The following JMJD8 variants were observed in gnomAD, a reference collection of about 807,000 sequenced individuals.
JMJD8 encodes the protein jumonji domain containing 8, also known as jmjC domain-containing protein 8.
In JMJD8, 56 loss-of-function variants were observed where a neutral mutation model predicts 37.6. The observed-to-expected ratio is 1.49, with a 90% CI of 1.20 to 1.86. JMJD8 has a LOEUF of 1.86. Among genes scored for constraint, JMJD8 ranks in the 40% most tolerant of loss-of-function variants. The pLI, the probability that JMJD8 is intolerant of heterozygous loss-of-function variation, is 0.00. For synonymous variants in JMJD8, 261 were observed against 163.7 expected, an observed-to-expected ratio of 1.59 and a Z score of -4.54; for missense variants, 542 against 362.7, an observed-to-expected ratio of 1.49 and a Z score of -4.01.
In JMJD8 at chr16:683,734, C is replaced by G. The variant is rs780971613; in HGVS notation, c.273G>C (p.Gly91=). 1 of 1,610,018 alleles carries G rather than the reference C, an allele frequency of 6.2e-7. No homozygotes were observed. Among genetic ancestry groups the G allele is most frequent in the South Asian group, 1.1e-5 (1 of 90,532 alleles). ...CSRDRLLASF[G]DRVVRLSTAN... is the part of the protein sequence containing the mutation. The stretch of plus-strand genomic sequence containing the variant: ...CGGTGCTCAGCCGGACCACTCTGTC[C>G]CCAAACGAAGCCAGCAACCTGTCGC... Residue 91 remains glycine (G), a synonymous_variant, in exon 4 of 9, where the codon GGG becomes GGC. Transcript: ENST00000609261.
At position 681,772 on chromosome 16, in the gene JMJD8, C is replaced by T. The variant is rs745332729; in HGVS notation, c.*1022G>A. The T allele has an allele frequency of 1.2e-4, 191 of 1,579,648 alleles. 1 individual carries two copies. The South Asian group carries it at 1.9e-3, about 15-fold the overall frequency. On this transcript the variant is annotated 3_prime_UTR_variant, in exon 9 of 9. Transcript: ENST00000609261. ...ACATCTGGCCAGGTCCATCTCTGAC[C>T]GGCTCCTGGTCAACCCCCAGGGAGC...
Position 682,783 on chromosome 16 carries a change from A to T in JMJD8, c.*11T>A, listed in dbSNP as rs940734845. The stretch of plus-strand genomic sequence containing the variant: ...CTGGTGTGTGACCGGCAGTCCTGCC[A>T]GCTGTTTTGGCTAGCCGAGGAAGGT... On this transcript the variant is annotated 3_prime_UTR_variant, in exon 9 of 9. Coordinates refer to ENST00000609261, the MANE Select transcript of JMJD8 (RefSeq NM_001005920.4). The T allele has an allele frequency of 1.2e-6, 2 of 1,612,702 alleles. No individual in the cohort carries two copies. The highest frequency in any genetic ancestry group is 2.7e-5 in the African/African-American group (2 of 74,938).
At chr16:683,260 C>G (rs774532158) in intron 6 of JMJD8, 26 bp from the exon 7 acceptor site, 3 of 1,613,072 alleles carry the variant, frequency 1.9e-6, no homozygotes, top group Non-Finnish European at 1.7e-6. Flanking sequence ...CACCTGGTGA[C>G]CAACCCATTT....
In JMJD8 at chr16:682,180, G is replaced by T; in HGVS notation, c.*614C>A. On this transcript the variant is annotated 3_prime_UTR_variant, in exon 9 of 9. Coordinates refer to ENST00000609261, the MANE Select transcript of JMJD8 (RefSeq NM_001005920.4). Reference sequence around the variant, plus strand: ...TGTGCCACAGAAGCGAGACATCCCCGACTACCTGTGTGGCAAGATCAGCTT... The same window carrying T: ...TGTGCCACAGAAGCGAGACATCCCCTACTACCTGTGTGGCAAGATCAGCTT... The T allele has an allele frequency of 6.2e-7, 1 of 1,608,470 alleles. No individual in the cohort carries two copies. Among genetic ancestry groups the T allele is most frequent in the South Asian group, 1.1e-5 (1 of 90,990 alleles).
rs778061861 is a variant in JMJD8 at position 683,371 on chromosome 16, G to A, written c.462C>T (p.Pro154=). The A allele has an allele frequency of 3.8e-6, 6 of 1,559,456 alleles. No individual in the cohort carries two copies. In the South Asian group the frequency reaches 5.9e-5, roughly 15 times the overall value. Residue 154 remains proline, a synonymous_variant, in exon 6 of 9, where the codon CCC becomes CCT. Coordinates refer to ENST00000609261, the MANE Select transcript of JMJD8 (RefSeq NM_001005920.4). ...WASLFRHYSP[P]PFGLLGTAPA... ...GAGCGGTTCCCAGCAGGCCAAATGG[G>A]GGTGGGGAGTAGTGCCGAAAGAGAG...
chr16:683,512 C>G lies in JMJD8; in HGVS notation c.391+18G>C. The G allele has an allele frequency of 6.5e-7, 1 of 1,546,114 alleles. No homozygotes were observed. Among genetic ancestry groups the G allele is most frequent in the South Asian group, 1.2e-5 (1 of 83,586 alleles). On this transcript the variant is annotated intron_variant, in intron 5 of 8. Coordinates refer to ENST00000609261, the MANE Select transcript of JMJD8 (RefSeq NM_001005920.4). ...TCCAAGCGTCCCCACCCCCTACCGC[C>G]GCCTAGGGCTGCCTCACCATTGCCC...
chr16:681,734 G>T lies in JMJD8; in HGVS notation c.*1060C>A. ...AAGTGTGGATGTTAGCTCTGAGATTGGGGTGTGGTCAGACATCTGGCCAGG... is the reference window on the plus strand; with the variant it reads ...AAGTGTGGATGTTAGCTCTGAGATTTGGGTGTGGTCAGACATCTGGCCAGG... On this transcript the variant is annotated 3_prime_UTR_variant, in exon 9 of 9. Coordinates refer to ENST00000609261, the MANE Select transcript of JMJD8 (RefSeq NM_001005920.4). The T allele has an allele frequency of 1.3e-6, 2 of 1,553,166 alleles. No individual in the cohort carries two copies. Among genetic ancestry groups the T allele is most frequent in the Non-Finnish European group, 1.7e-6 (2 of 1,143,340 alleles).
Position 683,406 on chromosome 16 carries a change from C to T in JMJD8, c.427G>A (p.Glu143Lys), listed in dbSNP as rs566921908. The change falls in exon 6 of 9, where the codon GAG (glutamate) becomes AAG (lysine). Residue 143 changes from glutamate to lysine, a missense_variant. Physicochemically the swap from Glu to Lys is moderately conservative, Grantham distance 56. Coordinates refer to ENST00000609261, the MANE Select transcript of JMJD8 (RefSeq NM_001005920.4). ...LYFFGDNNFT[E>K]WASLFRHYSP... ...TAGTGCCGAAAGAGAGAGGCCCACTCGGTGAAGTTGTTGTCCCCGAAGAAG... is the reference window on the plus strand; with the variant it reads ...TAGTGCCGAAAGAGAGAGGCCCACTTGGTGAAGTTGTTGTCCCCGAAGAAG... 11 of 1,553,152 alleles carry T rather than the reference C, an allele frequency of 7.1e-6. No homozygotes were observed. Among genetic ancestry groups the T allele is most frequent in the African/African-American group, 2.7e-5 (2 of 73,104 alleles).
Position 681,700 on chromosome 16 carries a change from A to T in JMJD8, c.*1094T>A. The T allele has an allele frequency of 6.4e-7, 1 of 1,554,608 alleles. No homozygotes were observed. The highest frequency in any genetic ancestry group is 8.7e-7 in the Non-Finnish European group (1 of 1,145,132). Reference sequence around the variant, plus strand: ...TCGAAGGCTTTACTGGCAAGCAGGAAATGTGGGGAAGTGTGGATGTTAGCT... The same window carrying T: ...TCGAAGGCTTTACTGGCAAGCAGGATATGTGGGGAAGTGTGGATGTTAGCT... On this transcript the variant is annotated 3_prime_UTR_variant, in exon 9 of 9. Transcript: ENST00000609261.
In JMJD8 at chr16:683,231, G is replaced by C. The variant is rs776756250; in HGVS notation, c.515C>G (p.Ala172Gly). Reference sequence around the variant, plus strand: ...CCAGTGGAAGGGCACCCCCGAGCCAGCTCCTGTGGGGTTATGAGCACCTGG... The same window carrying C: ...CCAGTGGAAGGGCACCCCCGAGCCACCTCCTGTGGGGTTATGAGCACCTGG... ...APAYSFGIAG[A>G]GSGVPFHWHG... Residue 172 changes from alanine to glycine, a missense_variant, in exon 7 of 9, where the codon GCT (alanine) becomes GGT (glycine). By Grantham distance (60) the Ala-to-Gly change is moderately conservative. Transcript: ENST00000609261. 9.9e-6 allele frequency: 16 copies of C among 1,613,140 alleles called. 1 individual carries two copies. In the East Asian group the frequency reaches 3.6e-4, roughly 36 times the overall value.
chr16:684,019 C>G, intron 2 of JMJD8, 47 bp downstream of exon 2: 1 of 1,566,208 alleles, frequency 6.4e-7, no homozygotes, highest in South Asian at 1.2e-5. Flanking sequence ...TCGGGGCAGA[C>G]GGGCCGGTGA....
chr16:683,520 G>T lies in JMJD8; in HGVS notation c.391+10C>A. The T allele has an allele frequency of 6.5e-7, 1 of 1,550,326 alleles. No individual in the cohort carries two copies. Among genetic ancestry groups the T allele is most frequent in the Non-Finnish European group, 8.7e-7 (1 of 1,146,662 alleles). On this transcript the variant is annotated intron_variant, in intron 5 of 8. Transcript: ENST00000609261. Reference sequence around the variant, plus strand: ...TCCCCACCCCCTACCGCCGCCTAGGGCTGCCTCACCATTGCCCAGGGAGGT... The same window carrying T: ...TCCCCACCCCCTACCGCCGCCTAGGTCTGCCTCACCATTGCCCAGGGAGGT...
In JMJD8 at chr16:682,266, C is replaced by T. The variant is rs547031103; in HGVS notation, c.*528G>A. 104 of 1,602,634 alleles carry T rather than the reference C, an allele frequency of 6.5e-5. 1 individual carries two copies. In the East Asian group the frequency reaches 1.1e-3, roughly 17 times the overall value. On this transcript the variant is annotated 3_prime_UTR_variant, in exon 9 of 9. Transcript: ENST00000609261. ...GCATCACCTACGACCGCAAGGACATCGAGGAGCACCTGCAGGTGAGGCCTG... is the reference window on the plus strand; with the variant it reads ...GCATCACCTACGACCGCAAGGACATTGAGGAGCACCTGCAGGTGAGGCCTG...
intron 2 of JMJD8, 68 bp downstream of exon 2, chr16:683,998 G>A (rs1333989636): frequency 7.7e-6 from 12 of 1,557,804 alleles, no homozygotes; most frequent in Non-Finnish European, 9.5e-6. Context: ...GGGGAAGGCG[G>A]CCTTGGGCGG....
At chr16:683,119 C>T (rs1189580529) in intron 7 of JMJD8, 32 bp from the exon 8 acceptor site, 3 of 1,613,498 alleles carry the variant, frequency 1.9e-6, no homozygotes, top group Non-Finnish European at 2.5e-6. Context: ...TCACCCTTGC[C>T]CGTTTTGGTC....
Position 681,758 on chromosome 16 carries a change from G to C in JMJD8, c.*1036C>G, listed in dbSNP as rs746632213. On this transcript the variant is annotated 3_prime_UTR_variant, in exon 9 of 9. Coordinates refer to ENST00000609261, the MANE Select transcript of JMJD8 (RefSeq NM_001005920.4). ...TGGGGTGTGGTCAGACATCTGGCCA[G>C]GTCCATCTCTGACCGGCTCCTGGTC... 1 of 1,570,572 alleles carries C rather than the reference G, an allele frequency of 6.4e-7. No homozygotes were observed. Among genetic ancestry groups the C allele is most frequent in the African/African-American group, 1.3e-5 (1 of 74,254 alleles).
rs758286891 is a variant in JMJD8 at position 683,609 on chromosome 16, G to A, written c.323-11C>T. 3.2e-6 allele frequency: 5 copies of A among 1,577,332 alleles called. No individual in the cohort carries two copies. Among genetic ancestry groups the A allele is most frequent in the African/African-American group, 1.3e-5 (1 of 74,150 alleles). On this transcript the variant is annotated splice_polypyrimidine_tract_variant and intron_variant, in intron 4 of 8. Transcript: ENST00000609261. ...GGAAGGGCAAGTCCACTGCAGGAAA[G>A]AGACGGGTCAGGACCGTCTGGTCCA...
In JMJD8 at chr16:681,985, T is replaced by TG; in HGVS notation, c.*808dup. 1 of 1,611,850 alleles carries TG rather than the reference T, an allele frequency of 6.2e-7. No individual in the cohort carries two copies. The highest frequency in any genetic ancestry group is 8.5e-7 in the Non-Finnish European group (1 of 1,178,792). On this transcript the variant is annotated 3_prime_UTR_variant, in exon 9 of 9. Coordinates refer to ENST00000609261, the MANE Select transcript of JMJD8 (RefSeq NM_001005920.4). Reference sequence around the variant, plus strand: ...TGCCCCATGGAGGAGGGAGGTGGGGTGTCTCCCCCAAGCACAGCACTCAAC... The same window carrying TG: ...TGCCCCATGGAGGAGGGAGGTGGGGTGGTCTCCCCCAAGCACAGCACTCAAC...
In JMJD8 at chr16:682,221, G is replaced by A. The variant is rs763270493; in HGVS notation, c.*573C>T. 12 of 1,612,952 alleles carry A rather than the reference G, an allele frequency of 7.4e-6. No individual in the cohort carries two copies. The Admixed American group carries it at 1.0e-4, about 13-fold the overall frequency. On this transcript the variant is annotated 3_prime_UTR_variant, in exon 9 of 9. Coordinates refer to ENST00000609261, the MANE Select transcript of JMJD8 (RefSeq NM_001005920.4). ...AGATCAGCTTTGAGCTGATGCGGGA[G>A]CCGTGCATCACGCCCAGTGGCATCA...
Sources: gnomAD v4.1 joint callset for allele counts on GRCh38, gnomAD v4.1.1 for gene constraint, MANE v1.5 for transcripts, NCBI Gene and HGNC (gene_info 2026-07-23, HGNC 2026-07-21) for gene names.